C2CD5: variants seen among roughly 807,000 people sequenced by gnomAD.
The protein encoded by C2CD5 is C2 calcium dependent domain containing 5, also known as C2 domain-containing protein 5.
C2CD5 carries 109 observed loss-of-function variants against 130.3 expected under a neutral mutation model. That is an observed-to-expected ratio of 0.84 (90% CI 0.72 to 0.98). The LOEUF is 0.98. Among genes scored for constraint, C2CD5 ranks in the 50% least tolerant of loss-of-function variants. The pLI is 0.00. For synonymous variants in C2CD5, 454 were observed against 429.2 expected (o/e 1.06, Z -0.71); for missense variants, 996 against 1,261.8 (o/e 0.79, Z 3.19).
At chr12:22,472,685 T>C (rs1404874474) in intron 17 of C2CD5, 59 bp downstream of exon 17, 4 of 941,562 alleles carry the variant, frequency 4.2e-6, no homozygotes, top group Non-Finnish European at 1.8e-6. Context: ...GTAACAATTA[T>C]GAGCTAAAAC....
At position 22,544,327 on chromosome 12, in the gene C2CD5, G is replaced by A; in HGVS notation, c.-37C>T. ...CCACGGGTCGCCACTCACTGTCGCA[G>A]GAGGAAGGGTGCTGTCCCGCGCGGG... On this transcript the variant is annotated 5_prime_UTR_variant, in exon 1 of 27. Coordinates refer to ENST00000446597, the MANE Select transcript of C2CD5 (RefSeq NM_001286176.2). 2 of 530,974 alleles carry A rather than the reference G, an allele frequency of 3.8e-6. No homozygotes were observed. The highest frequency in any genetic ancestry group is 6.5e-6 in the Non-Finnish European group (2 of 306,930). The allele number at this position is 530,974 out of a possible 1,614,324, so 32.9% of individuals were successfully genotyped here.
In C2CD5 at chr12:22,532,412, T is replaced by C. The variant is rs191355641; in HGVS notation, c.177+2846A>G. 1.7e-3 allele frequency among the ~76,000 whole-genome samples: 251 copies of C among 152,096 alleles called. 2 individuals carry two copies. Among genetic ancestry groups the C allele is most frequent in the Non-Finnish European group, 1.2e-3 (82 of 67,990 alleles). On this transcript the variant is annotated intron_variant, in intron 3 of 26. Coordinates refer to ENST00000446597, the MANE Select transcript of C2CD5 (RefSeq NM_001286176.2). ...TATTAACATACAGCAACATGCTTCA[T>C]AGCCACCTCAATACTACTCTGGAAA...
At chr12:22,460,109 T>C (rs1163367218) in intron 22 of C2CD5, among the ~76,000 whole-genome samples, 3 of 152,190 alleles carry the variant, frequency 2.0e-5, no homozygotes, top group African/African-American at 7.2e-5. Context: ...AAATGAGTGA[T>C]CACAGAGGTA....
chr12:22,508,536 T>C (rs1281950933), intron 9 of C2CD5, among the ~76,000 whole-genome samples: 4 of 152,158 alleles, frequency 2.6e-5, no homozygotes, highest in Middle Eastern at 3.2e-3. Context: ...ATTAGGAAAT[T>C]TGAATGTAAA....
intron 2 of C2CD5, among the ~76,000 whole-genome samples, chr12:22,541,376 T>A (rs1427524223): frequency 6.6e-6 from 1 of 152,204 alleles, no homozygotes; most frequent in African/African-American, 2.4e-5. Context: ...TCCCCTTCAA[T>A]CCATTCTCCA....
At chr12:22,527,021 C>T (rs1275634928) in intron 4 of C2CD5, among the ~76,000 whole-genome samples, 1 of 152,190 alleles carries the variant, frequency 6.6e-6, no homozygotes, top group African/African-American at 2.4e-5. Flanking sequence ...GGTGTCATGG[C>T]ATGTGCCTGC....
At chr12:22,458,727 G>C (rs1019973235) in intron 23 of C2CD5, 142 bp from the exon 24 acceptor site, 8 of 381,858 alleles carry the variant, frequency 2.1e-5, no homozygotes, top group Non-Finnish European at 3.7e-5. Flanking sequence ...TCAGATAAGA[G>C]AGATAGTAAA....
At chr12:22,452,397 A>G (rs1263372149) in intron 26 of C2CD5, among the ~76,000 whole-genome samples, 1 of 151,678 alleles carries the variant, frequency 6.6e-6, no homozygotes, top group Non-Finnish European at 1.5e-5. Flanking sequence ...TCCTTTCTCA[A>G]TCTTTCTTCT....
chr12:22,466,814 C>T (rs1419184906), intron 22 of C2CD5, among the ~76,000 whole-genome samples: 1 of 152,206 alleles, frequency 6.6e-6, no homozygotes, highest in Non-Finnish European at 1.5e-5. Context: ...ATAGGTTTCA[C>T]AGTTAAGCAC....
At chr12:22,487,467 G>A (rs952819610) in intron 12 of C2CD5, among the ~76,000 whole-genome samples, 1 of 152,136 alleles carries the variant, frequency 6.6e-6, no homozygotes, top group African/African-American at 2.4e-5. Context: ...ATCATCACTG[G>A]CCATCAGAGA....
In C2CD5 at chr12:22,474,741, G is replaced by T; in HGVS notation, c.2043+10C>A. On this transcript the variant is annotated intron_variant, in intron 16 of 26. Transcript: ENST00000446597. ...AAAACCTTTAAGAAATTAGTCCAAT[G>T]CCACATTACCTCCAAAACAAAAGCA... 6.3e-7 allele frequency: 1 copy of T among 1,583,326 alleles called. No homozygotes were observed.
At chr12:22,490,275 A>T (rs1370821192) in intron 11 of C2CD5, 57 bp from the exon 12 acceptor site, 1 of 1,134,034 alleles carries the variant, frequency 8.8e-7, no homozygotes, top group African/African-American at 1.5e-5. Context: ...AACTTTGGGA[A>T]ATGCTAAATA....
At chr12:22,515,600 G>T (rs1341144506) in intron 8 of C2CD5, among the ~76,000 whole-genome samples, 1 of 152,000 alleles carries the variant, frequency 6.6e-6, no homozygotes, top group Non-Finnish European at 1.5e-5. Flanking sequence ...CTAACTAAAA[G>T]ATAGCATCAA....
intron 26 of C2CD5, 148 bp from the exon 27 acceptor site, chr12:22,450,039 AGGGT>A: frequency 1.8e-6 from 1 of 553,292 alleles, no homozygotes. Context: ...AAATGAGAAA[AGGGT>A]AAGAGGGCAA....
rs765943861 is a variant in C2CD5 at position 22,472,789 on chromosome 12, T to A, written c.2062A>T (p.Met688Leu). Residue 688 changes from methionine to leucine, a missense_variant, in exon 17 of 27, where the codon ATG (methionine) becomes TTG (leucine). By Grantham distance (15) the Met-to-Leu change is conservative. Around this residue, in one of 9 missense-constraint regions of C2CD5, gnomAD observed 590 missense variants for 631.4 expected, o/e 0.93. Coordinates refer to ENST00000446597, the MANE Select transcript of C2CD5 (RefSeq NM_001286176.2). ...FVLEIDDTDA[M>L]EDVHSLLTDV... The stretch of plus-strand genomic sequence containing the variant: ...GTAAGTAGAGAATGGACATCTTCCA[T>A]GGCATCTGTGTCATCAATCTTAAAA... The A allele has an allele frequency of 8.3e-6, 13 of 1,570,658 alleles. No homozygotes were observed. In the South Asian group the frequency reaches 1.2e-4, roughly 15 times the overall value.
chr12:22,506,765 C>T lies in C2CD5; in HGVS notation c.1093G>A (p.Gly365Arg). The T allele has an allele frequency of 1.9e-6, 3 of 1,612,720 alleles. No homozygotes were observed. The highest frequency in any genetic ancestry group is 2.5e-6 in the Non-Finnish European group (3 of 1,178,822). Residue 365 changes from glycine (G) to arginine (R), a missense_variant, in exon 10 of 27, where the codon GGG becomes AGG. Gly to Arg is a moderately radical substitution (Grantham distance 125). Around this residue, in one of 9 missense-constraint regions of C2CD5, gnomAD observed 156 missense variants for 165.9 expected, o/e 0.94. Transcript: ENST00000446597. ...ACAGAACGTGCACTAACTACACCCC[C>T]AACGTGTACAAGGAATCCAGGAGGA... ...AFPPGFLVHV[G>R]GVVSARSVKL...
intron 12 of C2CD5, among the ~76,000 whole-genome samples, chr12:22,489,222 G>A (rs1946017795): frequency 1.3e-5 from 2 of 151,604 alleles, no homozygotes; most frequent in Admixed American, 1.3e-4. Context: ...TACTGGGGAG[G>A]GGGGAAGTAA....
intron 3 of C2CD5, among the ~76,000 whole-genome samples, chr12:22,531,164 T>G (rs1340434160): frequency 1.3e-5 from 2 of 152,140 alleles, no homozygotes; most frequent in African/African-American, 4.8e-5. Context: ...ACACATATAT[T>G]CCACACCTTT....
At chr12:22,513,189 G>A (rs1451422479) in intron 9 of C2CD5, 105 bp downstream of exon 9, 1 of 764,450 alleles carries the variant, frequency 1.3e-6, no homozygotes, top group Non-Finnish European at 2.2e-6. Context: ...CAATATTATA[G>A]ATATGTAACC....
Sources: allele counts gnomAD v4.1 joint callset (sites outside exome capture counted in the v4.1 genomes callset), GRCh38; gene constraint gnomAD v4.1.1; regional missense constraint gnomAD v4.1.1; transcripts MANE v1.5; gene names NCBI Gene and HGNC (gene_info 2026-07-23, HGNC 2026-07-21).